Variants in EPHB1 observed in about 807,000 individuals in gnomAD.
The protein encoded by EPHB1 is ephrin type-B receptor 1.
In EPHB1, 30 loss-of-function variants were observed where a neutral mutation model predicts 94.4. The ratio of observed to expected loss-of-function variants is 0.32; its 90% confidence interval spans 0.24 to 0.43. The LOEUF (loss-of-function observed/expected upper bound fraction) is 0.43. Ranked by LOEUF, EPHB1 falls within the 20% of genes least tolerant of loss-of-function variation. The pLI, the probability that EPHB1 is intolerant of heterozygous loss-of-function variation, is 1.00. For synonymous variants in EPHB1, 522 were observed against 489.1 expected, an observed-to-expected ratio of 1.07 and a Z score of -0.89; for missense variants, 1,055 against 1,308.3, an observed-to-expected ratio of 0.81 and a Z score of 2.99.
chr3:135,055,167 A>G (rs1406856484), intron 3 of EPHB1, among the ~76,000 whole-genome samples: 4 of 152,190 alleles, frequency 2.6e-5, no homozygotes, highest in African/African-American at 9.7e-5. Flanking sequence ...TTGGCGGTCT[A>G]CCTTTGGGTA....
chr3:134,796,774 C>T (rs1385290237), intron 1 of EPHB1, among the ~76,000 whole-genome samples: 4 of 152,288 alleles, frequency 2.6e-5, no homozygotes, highest in Admixed American at 2.6e-4. Flanking sequence ...GTCCGGCTAG[C>T]AGCCCCACTT....
At chr3:135,139,381 G>C (rs1940737522) in intron 5 of EPHB1, among the ~76,000 whole-genome samples, 1 of 152,222 alleles carries the variant, frequency 6.6e-6, no homozygotes, top group Non-Finnish European at 1.5e-5. Context: ...CTTTGGAAAT[G>C]TATTCATTCA....
chr3:134,998,764 T>A (rs1214013916), intron 3 of EPHB1, among the ~76,000 whole-genome samples: 1 of 152,202 alleles, frequency 6.6e-6, no homozygotes, highest in Non-Finnish European at 1.5e-5. Context: ...GAATTATAAT[T>A]CACCACTACA....
chr3:135,162,205 A>C (rs924588897), intron 7 of EPHB1, 25 bp downstream of exon 7: 9 of 1,570,550 alleles, frequency 5.7e-6, no homozygotes, highest in Non-Finnish European at 6.9e-6. Flanking sequence ...GGGCAGTGGC[A>C]TAATCACAGG....
chr3:135,233,914 C>T (rs967265839), intron 12 of EPHB1, among the ~76,000 whole-genome samples: 2 of 152,158 alleles, frequency 1.3e-5, no homozygotes, highest in Non-Finnish European at 2.9e-5. Context: ...AGCTGAGATA[C>T]AGTTCTGCAG....
chr3:134,947,860 G>A (rs2039242343), intron 2 of EPHB1, among the ~76,000 whole-genome samples: 1 of 152,118 alleles, frequency 6.6e-6, no homozygotes, highest in African/African-American at 2.4e-5. Context: ...AGTGGTGCGA[G>A]CATGGCTTAC....
intron 13 of EPHB1, 107 bp downstream of exon 13, chr3:135,241,404 C>A: frequency 1.4e-6 from 2 of 1,407,328 alleles, no homozygotes; most frequent in South Asian, 2.5e-5. Flanking sequence ...ATAATCTGAA[C>A]CTGCAGTGTT....
At position 134,869,151 on chromosome 3, in the gene EPHB1, G is replaced by C. The variant is rs867754047; in HGVS notation, c.59-56665G>C. ...ATGATTTTGATGTGGAGGAAGAAGA[G>C]GAGTGGAAAGAGAAATAATCTAGGA... On this transcript the variant is annotated intron_variant, in intron 1 of 15. Transcript: ENST00000398015. Among the ~76,000 whole-genome samples, 26 of 152,304 alleles carry C rather than the reference G, an allele frequency of 1.7e-4. No homozygotes were observed. In the Middle Eastern group the frequency reaches 0.024, roughly 139 times the overall value.
rs1299492411 is a variant in EPHB1, at chr3:135,248,348, G to T, written c.2529G>T (p.Leu843=). The T allele has an allele frequency of 3.1e-6, 5 of 1,598,880 alleles. No homozygotes were observed. The highest frequency in any genetic ancestry group is 1.7e-4 in the Middle Eastern group (1 of 6,014). Residue 843 remains leucine (L), a synonymous_variant, in exon 14 of 16, where the codon CTG becomes CTT. Coordinates refer to ENST00000398015, the MANE Select transcript of EPHB1 (RefSeq NM_004441.5). ...ATGCCATCGAGCAGGACTACCGGCT[G>T]CCCCCACCCATGGACTGTCCAGCTG... ...VINAIEQDYR[L]PPPMDCPAAL... is the part of the protein sequence containing the mutation.
chr3:134,985,964 A>C, intron 3 of EPHB1, among the ~76,000 whole-genome samples: 1 of 152,162 alleles, frequency 6.6e-6, no homozygotes, highest in East Asian at 1.9e-4. Flanking sequence ...GGAGTCACAC[A>C]TGCAGAATTC....
chr3:135,121,324 G>T (rs900677731), intron 4 of EPHB1, among the ~76,000 whole-genome samples: 1 of 152,246 alleles, frequency 6.6e-6, no homozygotes, highest in South Asian at 2.1e-4. Context: ...TGCATGGAGA[G>T]AATTACTGAG....
At chr3:134,928,441 A>G (rs72971661) in intron 2 of EPHB1, among the ~76,000 whole-genome samples, 2,677 of 152,252 alleles carry the variant, frequency 0.018, 86 homozygotes, top group African/African-American at 0.06. Context: ...CCAGGACTCT[A>G]TGCATTTGTT....
chr3:135,024,614 TG>T (rs1936085654), intron 3 of EPHB1, among the ~76,000 whole-genome samples: 1 of 152,208 alleles, frequency 6.6e-6, no homozygotes, highest in South Asian at 2.1e-4. Context: ...TTTTCCTTCC[TG>T]TTGTAGTGGG....
intron 1 of EPHB1, among the ~76,000 whole-genome samples, chr3:134,909,674 C>A (rs1246745820): frequency 6.6e-6 from 1 of 152,216 alleles, no homozygotes; most frequent in Non-Finnish European, 1.5e-5. Flanking sequence ...CCACTGGTGT[C>A]ATTTTTCCTG....
chr3:134,855,746 C>A (rs1280271116), intron 1 of EPHB1, among the ~76,000 whole-genome samples: 1 of 152,106 alleles, frequency 6.6e-6, no homozygotes, highest in Non-Finnish European at 1.5e-5. Context: ...AGGAAATATA[C>A]CCCAGAACAG....
intron 1 of EPHB1, among the ~76,000 whole-genome samples, chr3:134,915,049 C>T (rs2038538690): frequency 6.6e-6 from 1 of 152,126 alleles, no homozygotes; most frequent in South Asian, 2.1e-4. Flanking sequence ...TTGGAGGAAG[C>T]ACCTGGCCTT....
chr3:134,869,536 G>C (rs34800270), intron 1 of EPHB1, among the ~76,000 whole-genome samples: 48,158 of 152,108 alleles, frequency 0.32, 9,034 homozygotes, highest in African/African-American at 0.53. Context: ...AGGTCAAGGG[G>C]ATGTGATGCC....
intron 3 of EPHB1, among the ~76,000 whole-genome samples, chr3:135,032,415 A>G (rs776989469): frequency 1.3e-5 from 2 of 151,950 alleles, no homozygotes; most frequent in Non-Finnish European, 2.9e-5. Context: ...TCATGAGTGC[A>G]ATATTGTTCC....
chr3:134,935,366 T>C (rs2038981415), intron 2 of EPHB1, among the ~76,000 whole-genome samples: 1 of 152,196 alleles, frequency 6.6e-6, no homozygotes, highest in Admixed American at 6.5e-5. Flanking sequence ...AAGGAGGAAC[T>C]GAGCCTCTGG....
Sources: allele counts gnomAD v4.1 joint callset (sites outside exome capture counted in the v4.1 genomes callset), GRCh38; gene constraint gnomAD v4.1.1; transcripts MANE v1.5; gene names NCBI Gene and HGNC (gene_info 2026-07-23, HGNC 2026-07-21).